PKNOX2: variants seen among roughly 807,000 people sequenced by gnomAD.
The protein encoded by PKNOX2 is PBX/knotted 1 homeobox 2, also known as homeobox protein PKNOX2.
Under a neutral mutation model 53.1 loss-of-function variants are expected in PKNOX2, and 14 were observed. The observed-to-expected ratio is 0.26, with a 90% CI of 0.17 to 0.41. The LOEUF (loss-of-function observed/expected upper bound fraction) is 0.41, where lower values mean the gene tolerates loss of function less well. Among genes scored for constraint, PKNOX2 ranks in the 10% least tolerant of loss-of-function variants. The pLI is 1.00. For missense variants in PKNOX2, 496 were observed against 602.8 expected, an observed-to-expected ratio of 0.82 and a Z score of 1.85; for synonymous variants, 257 against 242.8, an observed-to-expected ratio of 1.06 and a Z score of -0.54.
intron 1 of PKNOX2, among the ~76,000 whole-genome samples, chr11:125,201,603 C>G (rs975175471): frequency 6.6e-6 from 1 of 152,112 alleles, no homozygotes; most frequent in Admixed American, 6.5e-5. Flanking sequence ...GTGCGGCTGC[C>G]AAGCTAAGGA....
chr11:125,410,111 G>A, intron 7 of PKNOX2, 85 bp from the exon 8 acceptor site: 4 of 1,516,462 alleles, frequency 2.6e-6, no homozygotes, highest in Non-Finnish European at 3.6e-6. Flanking sequence ...CAGGCAGGAA[G>A]GGGAAAGGAC....
chr11:125,372,079 C>T (rs939964956), intron 5 of PKNOX2, among the ~76,000 whole-genome samples: 2 of 152,154 alleles, frequency 1.3e-5, no homozygotes, highest in African/African-American at 4.8e-5. Flanking sequence ...GCAGCTTAGA[C>T]GAAGTAGCTA....
intron 2 of PKNOX2, among the ~76,000 whole-genome samples, chr11:125,241,022 G>C (rs757357030): frequency 6.6e-5 from 10 of 152,222 alleles, no homozygotes; most frequent in Non-Finnish European, 1.3e-4. Flanking sequence ...AATTAATGCT[G>C]CTGTGATATG....
intron 2 of PKNOX2, among the ~76,000 whole-genome samples, chr11:125,301,985 G>A (rs572845535): frequency 1.3e-5 from 2 of 152,222 alleles, no homozygotes; most frequent in African/African-American, 2.4e-5. Context: ...GTGTGTTAGC[G>A]AGAGCATCGC....
intron 1 of PKNOX2, among the ~76,000 whole-genome samples, chr11:125,198,853 T>C (rs1378252369): frequency 6.6e-6 from 1 of 150,892 alleles, no homozygotes; most frequent in Non-Finnish European, 1.5e-5. Context: ...TTTTTTTTTT[T>C]TTCTGAGACA....
chr11:125,262,885 C>G (rs1555135825), intron 2 of PKNOX2, among the ~76,000 whole-genome samples: 1 of 152,180 alleles, frequency 6.6e-6, no homozygotes, highest in Non-Finnish European at 1.5e-5. Context: ...CTGTGTCCCT[C>G]TTTCTATTTC....
At chr11:125,389,600 C>T (rs946694330) in intron 6 of PKNOX2, among the ~76,000 whole-genome samples, 19 of 152,218 alleles carry the variant, frequency 1.2e-4, no homozygotes, top group Non-Finnish European at 2.9e-5. Context: ...CCTCCTTGGG[C>T]CCACCAGCCT....
At position 125,341,603 on chromosome 11, in the gene PKNOX2, T is replaced by A. The variant is rs531424618; in HGVS notation, c.-23+9678T>A. On this transcript the variant is annotated intron_variant, in intron 3 of 12. Coordinates refer to ENST00000298282, the MANE Select transcript of PKNOX2 (RefSeq NM_001382323.2). ...ATTTTCCATAACACAGAAACATGCATGATGATTATTCCCGCCTTGATTTCC... is the reference window on the plus strand; with the variant it reads ...ATTTTCCATAACACAGAAACATGCAAGATGATTATTCCCGCCTTGATTTCC... Among the ~76,000 whole-genome samples the A allele has an allele frequency of 6.6e-5, 10 of 152,272 alleles. No individual in the cohort carries two copies. The South Asian group carries it at 1.9e-3, about 28-fold the overall frequency.
rs538606637 is a variant in PKNOX2 at position 125,315,536 on chromosome 11, C to T, written c.-129-16283C>T. 2.6e-5 allele frequency among the ~76,000 whole-genome samples: 4 copies of T among 152,252 alleles called. No individual in the cohort carries two copies. The East Asian group carries it at 7.7e-4, about 29-fold the overall frequency. On this transcript the variant is annotated intron_variant, in intron 2 of 12. Transcript: ENST00000298282. ...ACAGAGGCAGCTGTTTTGTTTTCTC[C>T]CTGGCCTGGCCGGTGGGAGGCCTTT... is the stretch of plus-strand genomic sequence containing the variant.
chr11:125,202,169 C>T (rs1938523918), intron 1 of PKNOX2, among the ~76,000 whole-genome samples: 2 of 152,182 alleles, frequency 1.3e-5, no homozygotes, highest in South Asian at 4.1e-4. Context: ...TTTTCTTTGG[C>T]TTCCCCTCCT....
At chr11:125,194,647 T>A (rs148451038) in intron 1 of PKNOX2, among the ~76,000 whole-genome samples, 17 of 152,312 alleles carry the variant, frequency 1.1e-4, no homozygotes, top group African/African-American at 4.1e-4. Context: ...CCACTCTTGC[T>A]TCAATGTCCC....
intron 6 of PKNOX2, 57 bp downstream of exon 6, chr11:125,385,779 C>A: frequency 6.4e-7 from 1 of 1,556,814 alleles, no homozygotes; most frequent in Non-Finnish European, 8.7e-7. Context: ...TGACCCCCTT[C>A]AAAATGCCCT....
intron 1 of PKNOX2, among the ~76,000 whole-genome samples, chr11:125,221,827 C>T (rs947662295): frequency 9.2e-5 from 14 of 152,094 alleles, no homozygotes; most frequent in Non-Finnish European, 1.8e-4. Flanking sequence ...CCGACCACCC[C>T]GTGTGAGTCT....
intron 1 of PKNOX2, among the ~76,000 whole-genome samples, chr11:125,224,740 G>A (rs1430792873): frequency 1.3e-5 from 2 of 152,206 alleles, no homozygotes; most frequent in Non-Finnish European, 2.9e-5. Flanking sequence ...CAGAGAATCA[G>A]CATCCCAGAA....
intron 1 of PKNOX2, among the ~76,000 whole-genome samples, chr11:125,208,604 G>A (rs593290): frequency 0.48 from 73,083 of 151,596 alleles, 18,443 homozygotes; most frequent in African/African-American, 0.58. Flanking sequence ...TATGAGAGAC[G>A]TATGTGGAAA....
intron 2 of PKNOX2, among the ~76,000 whole-genome samples, chr11:125,281,672 A>T (rs1946566083): frequency 6.6e-6 from 1 of 152,222 alleles, no homozygotes. Flanking sequence ...CAGGAACATG[A>T]CTTTTGTACA....
At chr11:125,217,135 G>A (rs753466512) in intron 1 of PKNOX2, among the ~76,000 whole-genome samples, 1 of 151,746 alleles carries the variant, frequency 6.6e-6, no homozygotes, top group Non-Finnish European at 1.5e-5. Flanking sequence ...ACACACACAG[G>A]CATGTGCACA....
At chr11:125,325,380 G>C (rs12291123) in intron 2 of PKNOX2, among the ~76,000 whole-genome samples, 6 of 152,194 alleles carry the variant, frequency 3.9e-5, no homozygotes, top group Non-Finnish European at 8.8e-5. Flanking sequence ...AGATAATTCA[G>C]TGACACAGCC....
chr11:125,242,978 T>A (rs980513460), intron 2 of PKNOX2, among the ~76,000 whole-genome samples: 2 of 152,222 alleles, frequency 1.3e-5, no homozygotes, highest in African/African-American at 4.8e-5. Flanking sequence ...TTTACTTAGC[T>A]GGGAACTTGG....
Sources: allele counts gnomAD v4.1 joint callset (sites outside exome capture counted in the v4.1 genomes callset), GRCh38; gene constraint gnomAD v4.1.1; transcripts MANE v1.5; gene names NCBI Gene and HGNC (gene_info 2026-07-23, HGNC 2026-07-21).